The following SLC30A7 variants were observed in gnomAD, a reference collection of about 807,000 sequenced individuals.
SLC30A7 encodes the protein solute carrier family 30 member 7.
SLC30A7 carries 35 observed loss-of-function variants against 46.0 expected under a neutral mutation model. The observed-to-expected ratio is 0.76, with a 90% CI of 0.58 to 1.01. The LOEUF is 1.01. Among genes scored for constraint, SLC30A7 ranks in the 50% least tolerant of loss-of-function variants. The probability of loss-of-function intolerance (pLI) is 0.00; values close to 1 mark genes in which losing one functional copy is unlikely to be tolerated. For missense variants in SLC30A7, 464 were observed against 451.1 expected (o/e 1.03, Z -0.26); for synonymous variants, 147 against 157.8 (o/e 0.93, Z 0.51).
downstream of SLC30A7, among the ~76,000 whole-genome samples, chr1:100,986,227 C>T (rs1657261337): frequency 1.3e-5 from 2 of 151,928 alleles, no homozygotes; most frequent in Admixed American, 6.6e-5. Flanking sequence ...CTGACCAACA[C>T]GGAGAAACCC....
At chr1:100,943,702 A>G (rs534393872) in intron 8 of SLC30A7, among the ~76,000 whole-genome samples, 52 of 152,356 alleles carry the variant, frequency 3.4e-4, no homozygotes, top group African/African-American at 1.0e-3. Context: ...GAAATGGGTC[A>G]AAGACCAAAT....
At chr1:100,968,266 G>C (rs2101095182) in intron 10 of SLC30A7, among the ~76,000 whole-genome samples, 1 of 152,134 alleles carries the variant, frequency 6.6e-6, no homozygotes, top group South Asian at 2.1e-4. Context: ...TTTAAGATCA[G>C]CCTCACCAAC....
rs1355467492 is a variant in SLC30A7 at position 100,979,881 on chromosome 1, G to A, written c.*5024G>A. 3 of 152,096 alleles carry A rather than the reference G, an allele frequency of 2.0e-5. No individual in the cohort carries two copies. The East Asian group carries it at 5.8e-4, about 29-fold the overall frequency. The allele number at this position is 152,096 out of a possible 1,614,324, so 9.4% of individuals were successfully genotyped here. A position where few individuals can be genotyped will look rare whatever the true frequency, so the allele number is the denominator to read the frequency against. ...GTATGTAATTCAGCAGTGCTTCAAA[G>A]ATCCAAGAAGCTGTAGCAGATCTCA... On this transcript the variant is annotated 3_prime_UTR_variant, in exon 11 of 11. Coordinates refer to ENST00000357650, the MANE Select transcript of SLC30A7 (RefSeq NM_133496.5).
At chr1:100,926,065 T>C (rs879939709) in intron 8 of SLC30A7, among the ~76,000 whole-genome samples, 3 of 152,224 alleles carry the variant, frequency 2.0e-5, no homozygotes, top group Non-Finnish European at 4.4e-5. Flanking sequence ...ACCAGTCAAC[T>C]ACAGTAGGCT....
intron 5 of SLC30A7, 144 bp from the exon 6 acceptor site, chr1:100,913,519 C>T (rs1384003174): frequency 4.6e-6 from 3 of 649,440 alleles, no homozygotes; most frequent in Non-Finnish European, 5.3e-6. Flanking sequence ...ATTGTTTTAA[C>T]AAATGTGTAA....
the SLC30A7 span, among the ~76,000 whole-genome samples, chr1:100,991,424 T>C: frequency 6.6e-6 from 1 of 152,174 alleles, no homozygotes; most frequent in Non-Finnish European, 1.5e-5. Context: ...ATATAGAACA[T>C]CCTTGCAGAC....
At chr1:100,959,485 A>G (rs973319200) in intron 8 of SLC30A7, among the ~76,000 whole-genome samples, 2 of 152,204 alleles carry the variant, frequency 1.3e-5, no homozygotes, top group African/African-American at 2.4e-5. Flanking sequence ...TCCAAGGTTC[A>G]TTTGGGGGAG....
chr1:100,899,533 T>C (rs1177880233), intron 2 of SLC30A7, among the ~76,000 whole-genome samples: 2 of 152,136 alleles, frequency 1.3e-5, no homozygotes, highest in South Asian at 2.1e-4. Flanking sequence ...AAGTTTGTTT[T>C]CAAGTTACAG....
At chr1:100,932,704 G>C (rs2101047153) in intron 8 of SLC30A7, among the ~76,000 whole-genome samples, 1 of 152,192 alleles carries the variant, frequency 6.6e-6, no homozygotes, top group East Asian at 1.9e-4. Context: ...GAGTGTTCTA[G>C]AGAAGTGGAA....
chr1:100,989,758 T>A, the SLC30A7 span: 3 of 152,332 alleles, frequency 2.0e-5, no homozygotes, highest in Non-Finnish European at 2.9e-5. Flanking sequence ...CTTGTATAAA[T>A]TGGTTTCATA....
In SLC30A7 at chr1:100,913,665, C is replaced by G; in HGVS notation, c.514C>G (p.His172Asp). 5 of 1,613,216 alleles carry G rather than the reference C, an allele frequency of 3.1e-6. No individual in the cohort carries two copies. Among genetic ancestry groups the G allele is most frequent in the Non-Finnish European group, 4.2e-6 (5 of 1,179,378 alleles). ...GGHGHSHGSG[H>D]GHSHSLFNGA... ...TGTCCTAACACTTTGTTTTCTAGGCCACGGACACAGTCATTCCCTCTTTAA... is the reference window on the plus strand; with the variant it reads ...TGTCCTAACACTTTGTTTTCTAGGCGACGGACACAGTCATTCCCTCTTTAA... The change falls in exon 6 of 11, where the codon CAC becomes GAC. Residue 172 changes from histidine to aspartate, a missense_variant and splice_region_variant. By Grantham distance (81) the His-to-Asp change is moderately conservative. Transcript: ENST00000357650.
intron 8 of SLC30A7, among the ~76,000 whole-genome samples, chr1:100,932,978 CTTT>C (rs995801710): frequency 6.5e-5 from 9 of 138,048 alleles, no homozygotes; most frequent in Admixed American, 7.3e-5. Flanking sequence ...TTTCTTTTTT[CTTT>C]TTTTTTTTTT....
At chr1:100,965,038 C>T (rs1486983047) in intron 9 of SLC30A7, among the ~76,000 whole-genome samples, 1 of 152,086 alleles carries the variant, frequency 6.6e-6, no homozygotes, top group Admixed American at 6.5e-5. Context: ...TTCTTAACTT[C>T]CCAGGTAGAT....
In SLC30A7 at chr1:100,922,601, G is replaced by T. The variant is rs79305965; in HGVS notation, c.842+760G>T. Among the ~76,000 whole-genome samples the T allele has an allele frequency of 2.0e-5, 3 of 152,060 alleles. No individual in the cohort carries two copies. In the East Asian group the frequency reaches 5.8e-4, roughly 29 times the overall value. ...ATGCTACCTGAAATGAATTATGTCC[G>T]TCTTCCCATCTGGCTTACAAAATTC... On this transcript the variant is annotated intron_variant, in intron 8 of 10. Transcript: ENST00000357650.
chr1:100,950,943 C>CA (rs1486796779), intron 8 of SLC30A7, among the ~76,000 whole-genome samples: 7 of 152,094 alleles, frequency 4.6e-5, no homozygotes. Flanking sequence ...GGTTCAGTGT[C>CA]AATTAAGTTA....
intron 3 of SLC30A7, among the ~76,000 whole-genome samples, chr1:100,909,037 CTCTT>C (rs1425165037): frequency 5.8e-5 from 8 of 138,666 alleles, no homozygotes; most frequent in African/African-American, 2.2e-4. Context: ...ATCCTCTCCT[CTCTT>C]TATGTGTGTG....
intron 8 of SLC30A7, among the ~76,000 whole-genome samples, chr1:100,931,922 C>G (rs1247984721): frequency 6.6e-6 from 1 of 152,150 alleles, no homozygotes; most frequent in Non-Finnish European, 1.5e-5. Flanking sequence ...TGTACAAACA[C>G]CAGAGTGTGC....
At chr1:100,989,585 C>A in the SLC30A7 span, 2 of 152,208 alleles carry the variant, frequency 1.3e-5, no homozygotes, top group Non-Finnish European at 2.9e-5. Flanking sequence ...GCAGTAGGGA[C>A]AGCTAACTTT....
intron 10 of SLC30A7, among the ~76,000 whole-genome samples, chr1:100,974,028 G>T (rs1238243686): frequency 6.6e-6 from 1 of 152,156 alleles, no homozygotes; most frequent in Non-Finnish European, 1.5e-5. Flanking sequence ...GCTTTTTGCT[G>T]TAAAGAAGAG....
Sources: allele counts gnomAD v4.1 joint callset (sites outside exome capture counted in the v4.1 genomes callset), GRCh38; gene constraint gnomAD v4.1.1; transcripts MANE v1.5; gene names NCBI Gene and HGNC (gene_info 2026-07-23, HGNC 2026-07-21).